The following UTRN variants were observed in gnomAD, a reference collection of about 807,000 sequenced individuals.
UTRN encodes the protein dystrophin-related protein 1.
In UTRN, 283 loss-of-function variants were observed where a neutral mutation model predicts 463.9. The observed-to-expected ratio is 0.61, with a 90% CI of 0.55 to 0.67. The LOEUF (loss-of-function observed/expected upper bound fraction) is 0.67. Among genes scored for constraint, UTRN ranks in the 30% least tolerant of loss-of-function variants. The pLI, the probability that UTRN is intolerant of heterozygous loss-of-function variation, is 0.00. For synonymous variants in UTRN, 1,442 were observed against 1,431.5 expected (o/e 1.01, Z -0.17); for missense variants, 3,922 against 4,084.3 (o/e 0.96, Z 1.08).
chr6:144,346,759 G>A (rs887597059), intron 2 of UTRN, among the ~76,000 whole-genome samples: 5 of 152,096 alleles, frequency 3.3e-5, no homozygotes, highest in African/African-American at 1.2e-4. Flanking sequence ...GGAGGCGGGG[G>A]TTGCAGTGAG....
intron 48 of UTRN, among the ~76,000 whole-genome samples, 187 bp from the exon 49 acceptor site, chr6:144,554,501 A>T (rs914356773): frequency 6.6e-6 from 1 of 152,110 alleles, no homozygotes; most frequent in Non-Finnish European, 1.5e-5. Context: ...TTTCTCAAAC[A>T]CCGTTTCAGA....
chr6:144,310,696 T>C (rs1806179490), intron 2 of UTRN, among the ~76,000 whole-genome samples: 1 of 152,196 alleles, frequency 6.6e-6, no homozygotes, highest in Non-Finnish European at 1.5e-5. Context: ...AAGAATCGCT[T>C]GAACCCAGGA....
chr6:144,301,981 T>A (rs974980540), intron 2 of UTRN, among the ~76,000 whole-genome samples: 1 of 152,192 alleles, frequency 6.6e-6, no homozygotes, highest in Admixed American at 6.6e-5. Flanking sequence ...GGCTTGATTG[T>A]TCTCCTTCTC....
In UTRN at chr6:144,491,098, G is replaced by A. The variant is rs1793023790; in HGVS notation, c.4433G>A (p.Cys1478Tyr). Residue 1478 changes from cysteine (C) to tyrosine (Y), a missense_variant, in exon 32 of 75, where the codon TGT becomes TAT. Coordinates refer to ENST00000367545, the MANE Select transcript of UTRN (RefSeq NM_007124.3). ...PDVIQTHLDK[C>Y]MKLYKTLSEV... ...GTCATACAGACGCACCTGGACAAGT[G>A]TATGGTGAGGCTTTTGGGTGATTGG... 6 of 1,599,582 alleles carry A rather than the reference G, an allele frequency of 3.8e-6. No homozygotes were observed. Among genetic ancestry groups the A allele is most frequent in the Non-Finnish European group, 5.1e-6 (6 of 1,173,986 alleles).
chr6:144,544,805 A>G (rs369619017), intron 46 of UTRN, among the ~76,000 whole-genome samples: 6 of 152,140 alleles, frequency 3.9e-5, no homozygotes, highest in African/African-American at 1.4e-4. Flanking sequence ...TGAAAGGGTT[A>G]TTATCTCTTT....
At chr6:144,390,275 G>C (rs761835443) in intron 2 of UTRN, among the ~76,000 whole-genome samples, 1 of 152,040 alleles carries the variant, frequency 6.6e-6, no homozygotes, top group Non-Finnish European at 1.5e-5. Context: ...AATACCTATT[G>C]CATCCACCTC....
At chr6:144,749,079 G>A (rs537395246) in intron 55 of UTRN, among the ~76,000 whole-genome samples, 1 of 152,042 alleles carries the variant, frequency 6.6e-6, no homozygotes, top group Non-Finnish European at 1.5e-5. Context: ...TGAAGAATTA[G>A]TTTAGCTATA....
At chr6:144,659,355 A>G (rs1017025264) in intron 51 of UTRN, among the ~76,000 whole-genome samples, 7 of 152,226 alleles carry the variant, frequency 4.6e-5, no homozygotes, top group African/African-American at 1.2e-4. Context: ...GAAGTTGATT[A>G]CCACACTGCT....
Position 144,348,195 on chromosome 6 carries a change from G to A in UTRN, c.80-54928G>A, listed in dbSNP as rs566397248. On this transcript the variant is annotated intron_variant, in intron 2 of 74. Transcript: ENST00000367545. ...AGTCTTTTGTGTTGGAACTCCAGGA[G>A]GTTGACGACCACACTCATCTATTCA... Among the ~76,000 whole-genome samples the A allele has an allele frequency of 2.0e-5, 3 of 152,210 alleles. No homozygotes were observed. The East Asian group carries it at 5.8e-4, about 29-fold the overall frequency.
chr6:144,311,488 A>AAG (rs1806264166), intron 2 of UTRN, among the ~76,000 whole-genome samples: 1 of 152,230 alleles, frequency 6.6e-6, no homozygotes, highest in East Asian at 1.9e-4. Context: ...CTTAGTGTCA[A>AAG]AGAGGAACTA....
chr6:144,798,295 T>A (rs536838956), intron 64 of UTRN, among the ~76,000 whole-genome samples: 3 of 152,320 alleles, frequency 2.0e-5, no homozygotes, highest in South Asian at 4.1e-4. Flanking sequence ...GTATGGCTGA[T>A]TATAAATATA....
chr6:144,577,414 T>G, intron 51 of UTRN, 126 bp downstream of exon 51: 2 of 968,840 alleles, frequency 2.1e-6, no homozygotes, highest in Non-Finnish European at 3.0e-6. Context: ...ATCCGTGCTC[T>G]CCTGTGAATA....
chr6:144,309,246 C>T (rs981836371), intron 2 of UTRN, among the ~76,000 whole-genome samples: 4 of 152,178 alleles, frequency 2.6e-5, no homozygotes, highest in South Asian at 2.1e-4. Flanking sequence ...CCACTGTTGC[C>T]GTTTGTCATC....
chr6:144,670,865 T>G (rs530250328), intron 51 of UTRN, among the ~76,000 whole-genome samples: 2 of 152,308 alleles, frequency 1.3e-5, no homozygotes, highest in East Asian at 3.9e-4. Context: ...GCTTACCAAT[T>G]ATCCCAGCAC....
At chr6:144,638,179 T>A (rs185292916) in intron 51 of UTRN, among the ~76,000 whole-genome samples, 1 of 152,296 alleles carries the variant, frequency 6.6e-6, no homozygotes, top group Admixed American at 6.5e-5. Flanking sequence ...AGCACTGTTT[T>A]AAAAAAACCA....
At chr6:144,676,378 C>T (rs1781589950) in intron 51 of UTRN, among the ~76,000 whole-genome samples, 1 of 152,022 alleles carries the variant, frequency 6.6e-6, no homozygotes, top group African/African-American at 2.4e-5. Context: ...CATTTTAAAT[C>T]AGATAACTTC....
At chr6:144,527,878 T>C (rs879281408) in intron 41 of UTRN, among the ~76,000 whole-genome samples, 1 of 152,138 alleles carries the variant, frequency 6.6e-6, no homozygotes, top group Non-Finnish European at 1.5e-5. Flanking sequence ...ATTTTTTCCT[T>C]CATATGCTGT....
intron 65 of UTRN, among the ~76,000 whole-genome samples, chr6:144,815,380 A>G (rs1055562829): frequency 2.0e-5 from 3 of 152,206 alleles, no homozygotes; most frequent in African/African-American, 7.2e-5. Flanking sequence ...AGATGTATAT[A>G]TGAATGGGAG....
intron 2 of UTRN, among the ~76,000 whole-genome samples, chr6:144,294,402 C>T (rs922088840): frequency 3.3e-5 from 5 of 152,134 alleles, no homozygotes; most frequent in African/African-American, 1.2e-4. Flanking sequence ...TTTCATGGTA[C>T]TCTAAAACTT....
Sources: allele counts gnomAD v4.1 joint callset (sites outside exome capture counted in the v4.1 genomes callset), GRCh38; gene constraint gnomAD v4.1.1; transcripts MANE v1.5; gene names NCBI Gene and HGNC (gene_info 2026-07-23, HGNC 2026-07-21).